Variants in BCORL1 observed in about 807,000 individuals in gnomAD.
BCORL1 encodes BCL-6 corepressor-like protein 1.
BCORL1 carries 7 observed loss-of-function variants against 87.6 expected under a neutral mutation model. That is an observed-to-expected ratio of 0.08 (90% CI 0.05 to 0.15). The LOEUF (loss-of-function observed/expected upper bound fraction) is 0.15. Ranked by LOEUF, BCORL1 falls within the 10% of genes least tolerant of loss-of-function variation. The pLI is 1.00. For missense variants in BCORL1, 1,215 were observed against 1,499.7 expected, an observed-to-expected ratio of 0.81 and a Z score of 3.13; for synonymous variants, 591 against 634.4, an observed-to-expected ratio of 0.93 and a Z score of 1.03.
In BCORL1 at chrX:130,056,333, G is replaced by A. The variant is rs1041631653; in HGVS notation, c.*197G>A. 2.8e-5 allele frequency: 11 copies of A among 393,793 alleles called. No homozygotes were observed. The highest frequency in any genetic ancestry group is 2.7e-4 in the Admixed American group (5 of 18,749). 32.5% of individuals were successfully genotyped at this position (393,793 alleles called of 1,213,427 possible). ...TACAATTAGTTCTCATCTCCCTGTC[G>A]TCGTCATTGTTATCGTGGTTGCTGA... On this transcript the variant is annotated 3_prime_UTR_variant, in exon 14 of 14. Transcript: ENST00000540052.
chrX:130,020,089 G>A (rs1311519575), intron 4 of BCORL1, among the ~76,000 whole-genome samples: 3 of 112,180 alleles, frequency 2.7e-5, no homozygotes, highest in East Asian at 2.8e-4. Flanking sequence ...CCAGAGGCCC[G>A]GGCTGGGGGC....
At chrX:130,054,879 C>G (rs1472493568) in intron 13 of BCORL1, among the ~76,000 whole-genome samples, 1 of 110,883 alleles carries the variant, frequency 9.0e-6, no homozygotes, top group African/African-American at 3.3e-5. Context: ...CCACTGCACT[C>G]CAGCCTAGAG....
In BCORL1 at chrX:130,056,455, GA is replaced by G; in HGVS notation, c.*320del. ...CCCTTGGACTGGCCTCCTTGTTCAT[GA>G]CCAAGACCAAACCTGGGCCCTGGAT... On this transcript the variant is annotated 3_prime_UTR_variant, in exon 14 of 14. Transcript: ENST00000540052. 1 of 217,093 alleles carries G rather than the reference GA, an allele frequency of 4.6e-6. No homozygotes were observed. Among genetic ancestry groups the G allele is most frequent in the East Asian group, 8.6e-5 (1 of 11,629 alleles). The allele number at this position is 217,093 out of a possible 1,213,427, so 17.9% of individuals were successfully genotyped here. A position where few individuals can be genotyped will look rare whatever the true frequency, so the allele number is the denominator to read the frequency against.
chrX:130,014,959 G>A lies in BCORL1; in HGVS notation c.2187G>A (p.Leu729=). 8.3e-7 allele frequency: 1 copy of A among 1,211,670 alleles called. No homozygotes were observed. Among genetic ancestry groups the A allele is most frequent in the Non-Finnish European group, 1.1e-6 (1 of 895,439 alleles). The change falls in exon 4 of 14, where the codon CTG becomes CTA. Residue 729 remains leucine (L), a synonymous_variant. Transcript: ENST00000540052. Reference sequence around the variant, plus strand: ...CCAACCCAGTGCCTGCATCCCTGCTGCTGAACAAAGACCCCAACCTGGGCC... The same window carrying A: ...CCAACCCAGTGCCTGCATCCCTGCTACTGAACAAAGACCCCAACCTGGGCC... ...GVANPVPASL[L]LNKDPNLGLN...
At position 130,013,644 on chromosome X, in the gene BCORL1, C is replaced by T; in HGVS notation, c.872C>T (p.Pro291Leu). The change falls in exon 4 of 14, where the codon CCT (proline) becomes CTT (leucine). Residue 291 changes from proline to leucine, a missense_variant. Physicochemically the swap from Pro to Leu is moderately conservative, Grantham distance 98. This residue lies in a region of BCORL1 where 861 missense variants were observed against 1,010.0 expected (regional missense o/e 0.85). Transcript: ENST00000540052. The part of the protein sequence containing the change: ...VLVPVPASAP[P>L]SGPVPLSAPA... ...GTGCCTGTGCCAGCTTCTGCTCCCCCTTCAGGCCCGGTTCCCTTGTCGGCT... is the reference window on the plus strand; with the variant it reads ...GTGCCTGTGCCAGCTTCTGCTCCCCTTTCAGGCCCGGTTCCCTTGTCGGCT... The T allele has an allele frequency of 8.3e-7, 1 of 1,211,586 alleles. No homozygotes were observed. Among genetic ancestry groups the T allele is most frequent in the East Asian group, 3.0e-5 (1 of 33,848 alleles).
chrX:130,015,737 A>T lies in BCORL1; in HGVS notation c.2965A>T (p.Thr989Ser). 8.3e-7 allele frequency: 1 copy of T among 1,211,927 alleles called. No homozygotes were observed. The highest frequency in any genetic ancestry group is 1.1e-6 in the Non-Finnish European group (1 of 895,546). The change falls in exon 4 of 14, where the codon ACC becomes TCC. Residue 989 changes from threonine to serine, a missense_variant. This residue lies in a region of BCORL1 where 861 missense variants were observed against 1,010.0 expected (regional missense o/e 0.85). Coordinates refer to ENST00000540052, the MANE Select transcript of BCORL1 (RefSeq NM_001379451.1). The stretch of plus-strand genomic sequence containing the variant: ...GAAGCCTAAGAACCAAGTGCTGGCC[A>T]CCTACATGTCCCATGAGCTGGTCCT... The part of the protein sequence containing the change: ...DTKPKNQVLA[T>S]YMSHELVLAT...
rs183420552 is a variant in BCORL1, at chrX:129,990,414, G to A, written c.-45+7652G>A. 2.7e-5 allele frequency among the ~76,000 whole-genome samples: 3 copies of A among 109,625 alleles called. No individual in the cohort carries two copies. The East Asian group carries it at 8.7e-4, about 32-fold the overall frequency. On this transcript the variant is annotated intron_variant, in intron 1 of 13. Coordinates refer to ENST00000540052, the MANE Select transcript of BCORL1 (RefSeq NM_001379451.1). ...GCCCGGCTAATTTTTTGTATTTTTA[G>A]TAGAGACGGGGTTTCACTGTGTTAG...
chrX:129,994,357 G>A (rs1386985167), intron 1 of BCORL1, among the ~76,000 whole-genome samples: 1 of 111,629 alleles, frequency 9.0e-6, no homozygotes, highest in East Asian at 2.8e-4. Context: ...ATGGATTTTG[G>A]ATGTTCCTAA....
chrX:130,039,057 C>G lies in BCORL1; in HGVS notation c.4695-80C>G, dbSNP rs575251968. ...ACCTGGGGGTCAGCTCAGTTTTTTCCCCTGATGCAGTAGCCTTAAGTGTAG... is the reference window on the plus strand; with the variant it reads ...ACCTGGGGGTCAGCTCAGTTTTTTCGCCTGATGCAGTAGCCTTAAGTGTAG... On this transcript the variant is annotated intron_variant, in intron 10 of 13. Transcript: ENST00000540052. 233 of 1,107,636 alleles carry G rather than the reference C, an allele frequency of 2.1e-4. 2 individuals carry two copies. In the South Asian group the frequency reaches 4.3e-3, roughly 20 times the overall value. The allele number at this position is 1,107,636 out of a possible 1,213,427, so 91.3% of individuals were successfully genotyped here.
chrX:129,997,609 T>A, intron 1 of BCORL1, among the ~76,000 whole-genome samples: 1 of 108,609 alleles, frequency 9.2e-6, no homozygotes. Context: ...CTGGCCAACA[T>A]GGTGAAACCC....
chrX:130,015,872 A>G lies in BCORL1; in HGVS notation c.3100A>G (p.Ser1034Gly), dbSNP rs1457539458. The G allele has an allele frequency of 5.0e-6, 6 of 1,210,087 alleles. No individual in the cohort carries two copies. The change falls in exon 4 of 14, where the codon AGC (serine) becomes GGC (glycine). Residue 1034 changes from serine to glycine, a missense_variant. Ser to Gly is a moderately conservative substitution (Grantham distance 56). Coordinates refer to ENST00000540052, the MANE Select transcript of BCORL1 (RefSeq NM_001379451.1). ...GGTTCCGAGCAGCAGGAGGGGCTCC[A>G]GCACAGAGCGCCCACAGCTTGGAAG... ...DVVPSSRRGS[S>G]TERPQLGSQV...
rs551494653 is a variant in BCORL1 at position 130,039,938 on chromosome X, T to A, written c.4840+656T>A. Among the ~76,000 whole-genome samples, 40 of 112,929 alleles carry A rather than the reference T, an allele frequency of 3.5e-4. No individual in the cohort carries two copies. In the South Asian group the frequency reaches 0.014, roughly 40 times the overall value. On this transcript the variant is annotated intron_variant, in intron 11 of 13. Coordinates refer to ENST00000540052, the MANE Select transcript of BCORL1 (RefSeq NM_001379451.1). ...TGGATAGCAGCTGTTTGTCTGCAGT[T>A]AGATAGCTCTACTGAGTTGGGCAGG... is the stretch of plus-strand genomic sequence containing the variant.
At chrX:130,009,049 A>G (rs1249921551) in intron 2 of BCORL1, among the ~76,000 whole-genome samples, 1 of 112,043 alleles carries the variant, frequency 8.9e-6, no homozygotes, top group African/African-American at 3.2e-5. Context: ...TCCAGATGCA[A>G]GATTGACAAA....
intron 1 of BCORL1, among the ~76,000 whole-genome samples, chrX:130,004,423 T>G (rs1033219652): frequency 2.7e-5 from 3 of 110,230 alleles, no homozygotes; most frequent in Non-Finnish European, 3.8e-5. Context: ...TTTTTTATTT[T>G]TAGTAGAAAC....
chrX:130,034,528 G>A lies in BCORL1; in HGVS notation c.4379G>A (p.Cys1460Tyr), dbSNP rs1003987652. 1 of 983,099 alleles carries A rather than the reference G, an allele frequency of 1.0e-6. No homozygotes were observed. The allele number at this position is 983,099 out of a possible 1,213,427, so 81.0% of individuals were successfully genotyped here. A position where few individuals can be genotyped will look rare whatever the true frequency, so the allele number is the denominator to read the frequency against. ...SPTPVKPTEP[C>Y]TPSKSRSASS... is the part of the protein sequence containing the mutation. Reference sequence around the variant, plus strand: ...ACCCCAGTGAAACCCACAGAACCATGTACACCCTCTAAGTCCCGAAGTGCC... The same window carrying A: ...ACCCCAGTGAAACCCACAGAACCATATACACCCTCTAAGTCCCGAAGTGCC... Residue 1460 changes from cysteine (C) to tyrosine (Y), a missense_variant, in exon 9 of 14, where the codon TGT (cysteine) becomes TAT (tyrosine). By Grantham distance (194) the Cys-to-Tyr change is radical. Coordinates refer to ENST00000540052, the MANE Select transcript of BCORL1 (RefSeq NM_001379451.1).
chrX:130,022,409 G>A (rs937519384), intron 5 of BCORL1, among the ~76,000 whole-genome samples: 11 of 107,782 alleles, frequency 1.0e-4, no homozygotes, highest in South Asian at 4.1e-4. Flanking sequence ...CACCACGCCC[G>A]GCGAATTTTT....
chrX:130,048,250 C>T (rs966980197), intron 11 of BCORL1, among the ~76,000 whole-genome samples: 1 of 112,279 alleles, frequency 8.9e-6, no homozygotes, highest in Non-Finnish European at 1.9e-5. Flanking sequence ...GGTGGTGCTT[C>T]GCACTGGGGG....
intron 7 of BCORL1, 38 bp downstream of exon 7, chrX:130,025,417 G>C: frequency 7.2e-6 from 8 of 1,115,371 alleles, no homozygotes; most frequent in South Asian, 2.2e-5. Flanking sequence ...GCCGCGGCCC[G>C]TTTGGCTTCT....
At chrX:130,038,054 A>G (rs963360759) in intron 10 of BCORL1, among the ~76,000 whole-genome samples, 5 of 110,829 alleles carry the variant, frequency 4.5e-5, no homozygotes, top group Non-Finnish European at 9.5e-5. Flanking sequence ...TAGTTCCCAG[A>G]TGGCCAGGCC....
Sources: allele counts gnomAD v4.1 joint callset (sites outside exome capture counted in the v4.1 genomes callset), GRCh38; gene constraint gnomAD v4.1.1; regional missense constraint gnomAD v4.1.1; transcripts MANE v1.5; gene names NCBI Gene and HGNC (gene_info 2026-07-23, HGNC 2026-07-21).